The following KCNK2 variants were observed in gnomAD, a reference collection of about 807,000 sequenced individuals.
KCNK2 encodes the protein potassium channel subfamily K member 2.
KCNK2 carries 21 observed loss-of-function variants against 40.5 expected under a neutral mutation model. The ratio of observed to expected loss-of-function variants is 0.52; its 90% CI spans 0.37 to 0.75. The LOEUF (loss-of-function observed/expected upper bound fraction) is 0.75, where lower values mean the gene tolerates loss of function less well. KCNK2 is among the 30% of genes least tolerant of loss of function. The pLI, the probability that KCNK2 is intolerant of heterozygous loss-of-function variation, is 0.00. For missense variants in KCNK2, 399 were observed against 531.6 expected (o/e 0.75, Z 2.45); for synonymous variants, 191 against 202.2 (o/e 0.94, Z 0.47).
intron 1 of KCNK2, among the ~76,000 whole-genome samples, chr1:215,028,225 A>G (rs966126790): frequency 3.3e-5 from 5 of 152,024 alleles, no homozygotes; most frequent in South Asian, 4.1e-4. Flanking sequence ...CGTCTCTACT[A>G]AAAATACAAA....
At chr1:215,214,270 A>C (rs1665866374) in intron 6 of KCNK2, among the ~76,000 whole-genome samples, 1 of 152,146 alleles carries the variant, frequency 6.6e-6, no homozygotes, top group Non-Finnish European at 1.5e-5. Context: ...CTGCAACAGG[A>C]GGAAGAGAGA....
chr1:215,109,752 A>G (rs1166542083), intron 2 of KCNK2, among the ~76,000 whole-genome samples: 1 of 152,032 alleles, frequency 6.6e-6, no homozygotes, highest in Non-Finnish European at 1.5e-5. Context: ...CTAATGCTGG[A>G]CTGGATTGTA....
intron 6 of KCNK2, among the ~76,000 whole-genome samples, chr1:215,225,912 G>A (rs1666368100): frequency 6.6e-6 from 1 of 152,164 alleles, no homozygotes; most frequent in Non-Finnish European, 1.5e-5. Context: ...AGTCAATGGA[G>A]TAATAAATAT....
At chr1:215,012,262 C>T (rs1297500636) in intron 1 of KCNK2, among the ~76,000 whole-genome samples, 2 of 152,112 alleles carry the variant, frequency 1.3e-5, no homozygotes, top group African/African-American at 4.8e-5. Context: ...TTTGCATGTC[C>T]ACCAGCCGGG....
intron 3 of KCNK2, among the ~76,000 whole-genome samples, chr1:215,166,688 G>C (rs1327870258): frequency 6.6e-6 from 1 of 152,026 alleles, no homozygotes; most frequent in African/African-American, 2.4e-5. Flanking sequence ...CACTACTTCA[G>C]CCTGGGCTCC....
At chr1:215,225,301 C>T (rs1666343262) in intron 6 of KCNK2, among the ~76,000 whole-genome samples, 2 of 152,142 alleles carry the variant, frequency 1.3e-5, no homozygotes, top group Admixed American at 1.3e-4. Flanking sequence ...CTGTAGCTGA[C>T]AGGCTTCTCA....
chr1:215,155,441 T>C lies in KCNK2; in HGVS notation c.476-13758T>C, dbSNP rs536598410. Among the ~76,000 whole-genome samples the C allele has an allele frequency of 1.5e-3, 221 of 152,324 alleles. 2 individuals carry two copies. Among genetic ancestry groups the C allele is most frequent in the Middle Eastern group, 0.014 (4 of 294 alleles). On this transcript the variant is annotated intron_variant, in intron 3 of 6. Coordinates refer to ENST00000444842, the MANE Select transcript of KCNK2 (RefSeq NM_001017425.3). ...ATTTTAGAATAATTTCATTAAATTA[T>C]ATAATTTTTAAAACTACGAATTTTT...
intron 4 of KCNK2, among the ~76,000 whole-genome samples, chr1:215,171,183 G>A (rs1012791801): frequency 2.6e-5 from 4 of 152,026 alleles, no homozygotes; most frequent in African/African-American, 4.8e-5. Context: ...AACTAGCCTC[G>A]AATAGAAATC....
At chr1:215,015,421 T>C (rs1033057238) in intron 1 of KCNK2, among the ~76,000 whole-genome samples, 4 of 152,140 alleles carry the variant, frequency 2.6e-5, no homozygotes, top group Admixed American at 1.3e-4. Context: ...TCTTGTCAAC[T>C]TTTTAGCTCG....
intron 6 of KCNK2, among the ~76,000 whole-genome samples, chr1:215,216,226 C>G (rs994130131): frequency 6.6e-6 from 1 of 150,696 alleles, no homozygotes; most frequent in African/African-American, 2.4e-5. Flanking sequence ...GATTTCTGAA[C>G]TTTTTTTTTA....
intron 1 of KCNK2, among the ~76,000 whole-genome samples, chr1:215,010,335 T>C (rs2102469667): frequency 6.6e-6 from 1 of 152,362 alleles, no homozygotes; most frequent in African/African-American, 2.4e-5. Context: ...TTTAAAAGCT[T>C]AACATTACGC....
In KCNK2 at chr1:215,083,116, C is replaced by G. The variant is rs959019929; in HGVS notation, c.-270C>G. 65 of 593,212 alleles carry G rather than the reference C, an allele frequency of 1.1e-4. No individual in the cohort carries two copies. The East Asian group carries it at 1.6e-3, about 14-fold the overall frequency. 36.7% of individuals were successfully genotyped at this position (593,212 alleles called of 1,614,324 possible). On this transcript the variant is annotated 5_prime_UTR_variant, in exon 1 of 7. Coordinates refer to ENST00000444842, the MANE Select transcript of KCNK2 (RefSeq NM_001017425.3). ...GCGCGCGGGGGCGGCGGCGCCCAAG[C>G]CCAACTTGGCCTCCGCCTCGCCCTC... is the stretch of plus-strand genomic sequence containing the variant.
At chr1:215,097,252 A>G (rs1454086973) in intron 2 of KCNK2, among the ~76,000 whole-genome samples, 2 of 151,916 alleles carry the variant, frequency 1.3e-5, no homozygotes, top group Admixed American at 1.3e-4. Context: ...GATTCTAGAC[A>G]CGTATGGTAG....
chr1:215,031,716 A>G (rs1657196609), intron 1 of KCNK2, among the ~76,000 whole-genome samples: 2 of 152,208 alleles, frequency 1.3e-5, no homozygotes, highest in Non-Finnish European at 2.9e-5. Flanking sequence ...CCACTTGTTC[A>G]TTACTGGTAT....
intron 3 of KCNK2, among the ~76,000 whole-genome samples, chr1:215,160,355 A>ACATGTACAGGAAG (rs1272848206): frequency 6.6e-6 from 1 of 152,216 alleles, no homozygotes; most frequent in Non-Finnish European, 1.5e-5. Flanking sequence ...GAAAATATTA[A>ACATGTACAGGAAG]CATGTACAGG....
chr1:215,229,984 T>C (rs564000940), intron 6 of KCNK2, among the ~76,000 whole-genome samples: 16 of 150,256 alleles, frequency 1.1e-4, no homozygotes, highest in African/African-American at 3.9e-4. Flanking sequence ...CCTTTATATT[T>C]TGAGAACACA....
intron 3 of KCNK2, among the ~76,000 whole-genome samples, chr1:215,130,902 C>G (rs149278108): frequency 0.11 from 16,159 of 151,868 alleles, 2,855 homozygotes; most frequent in African/African-American, 0.36. Context: ...GCTCTTTAGC[C>G]TAGGCCGGAT....
chr1:215,068,802 T>A (rs190626411), intron 1 of KCNK2, among the ~76,000 whole-genome samples: 8 of 152,304 alleles, frequency 5.3e-5, no homozygotes, highest in African/African-American at 1.4e-4. Flanking sequence ...TTATACCTGT[T>A]GACTTAATAG....
intron 3 of KCNK2, among the ~76,000 whole-genome samples, chr1:215,148,014 C>G (rs1662502949): frequency 6.7e-6 from 1 of 149,358 alleles, no homozygotes; most frequent in African/African-American, 2.5e-5. Flanking sequence ...TTTTCTGCCT[C>G]TAAAGTAATT....
Sources: allele counts gnomAD v4.1 joint callset (sites outside exome capture counted in the v4.1 genomes callset), GRCh38; gene constraint gnomAD v4.1.1; transcripts MANE v1.5; gene names NCBI Gene and HGNC (gene_info 2026-07-23, HGNC 2026-07-21).